RP1: variants seen among roughly 807,000 people sequenced by gnomAD.
The protein encoded by RP1 is RP1 axonemal microtubule associated.
A neutral mutation model predicts 14.8 loss-of-function variants in RP1; 16 were observed. The observed-to-expected ratio is 1.08, with a 90% CI of 0.73 to 1.65. The LOEUF (loss-of-function observed/expected upper bound fraction) is 1.65. Among genes scored for constraint, RP1 ranks in the 40% most tolerant of loss-of-function variants. The probability of loss-of-function intolerance (pLI) is 0.00; values close to 1 mark genes in which losing one functional copy is unlikely to be tolerated. For missense variants in RP1, 2,631 were observed against 2,535.0 expected (o/e 1.04, Z -0.81); for synonymous variants, 876 against 883.6 (o/e 0.99, Z 0.15).
At chr8:54,749,330 CA>C (rs368519775) in intron 19 of RP1, among the ~76,000 whole-genome samples, 9 of 141,484 alleles carry the variant, frequency 6.4e-5, no homozygotes, top group African/African-American at 7.7e-5. Flanking sequence ...GACTCCATCT[CA>C]AAAAAAAAAC....
At chr8:54,797,711 C>T (rs1810607346) in intron 24 of RP1, among the ~76,000 whole-genome samples, 1 of 152,096 alleles carries the variant, frequency 6.6e-6, no homozygotes, top group Admixed American at 6.6e-5. Context: ...ACACCTCTTT[C>T]AGAAGAAAAC....
intron 24 of RP1, among the ~76,000 whole-genome samples, chr8:54,789,516 A>G (rs146179468): frequency 1.2e-3 from 189 of 152,208 alleles, no homozygotes; most frequent in African/African-American, 4.4e-3. Context: ...TTGACCAACT[A>G]TGGGGCAAAC....
intron 7 of RP1, among the ~76,000 whole-genome samples, chr8:54,673,215 A>T (rs1807216696): frequency 6.6e-6 from 1 of 152,198 alleles, no homozygotes; most frequent in Admixed American, 6.5e-5. Flanking sequence ...TGAGGATAAA[A>T]TATGCATATG....
intron 12 of RP1, among the ~76,000 whole-genome samples, chr8:54,689,967 G>A (rs1215850605): frequency 1.3e-5 from 2 of 151,848 alleles, no homozygotes; most frequent in East Asian, 3.9e-4. Context: ...AATCTTCTTT[G>A]CACTTTCAAG....
intron 19 of RP1, among the ~76,000 whole-genome samples, chr8:54,752,705 C>T (rs1809405639): frequency 6.6e-6 from 1 of 152,152 alleles, no homozygotes. Flanking sequence ...GCATACCCCC[C>T]ACACTCTCAC....
At chr8:54,690,333 C>G (rs1011602398) in intron 12 of RP1, among the ~76,000 whole-genome samples, 2 of 152,010 alleles carry the variant, frequency 1.3e-5, no homozygotes, top group African/African-American at 4.8e-5. Flanking sequence ...AATTAAGAAT[C>G]TGAAAAAAGG....
chr8:54,657,481 GC>G (rs1221805383), intron 6 of RP1, among the ~76,000 whole-genome samples: 7 of 152,108 alleles, frequency 4.6e-5, no homozygotes, highest in Admixed American at 4.6e-4. Flanking sequence ...AATTTGATAA[GC>G]CTTTAGTTAT....
chr8:54,731,995 C>T (rs73679606), intron 17 of RP1, among the ~76,000 whole-genome samples: 13 of 152,346 alleles, frequency 8.5e-5, no homozygotes, highest in African/African-American at 3.1e-4. Context: ...GACTGGCTCT[C>T]TGTTGCTTGC....
chr8:54,673,724 AG>A (rs1426297978), intron 7 of RP1: 12 of 757,778 alleles, frequency 1.6e-5, no homozygotes, highest in Non-Finnish European at 2.3e-5. Context: ...TGGGTGACAG[AG>A]GGAGAGCCTG....
intron 24 of RP1, among the ~76,000 whole-genome samples, chr8:54,822,571 T>C (rs925764160): frequency 3.9e-5 from 6 of 152,254 alleles, no homozygotes; most frequent in African/African-American, 1.4e-4. Flanking sequence ...ATTTTGAATA[T>C]ATGAGTATTT....
intron 24 of RP1, among the ~76,000 whole-genome samples, chr8:54,828,534 C>T (rs1811440700): frequency 6.6e-6 from 1 of 152,164 alleles, no homozygotes; most frequent in South Asian, 2.1e-4. Flanking sequence ...CTTCCTGAAA[C>T]CCTCACCAGA....
rs772660274 is a variant in RP1, at chr8:54,625,713, G to T, written c.1831G>T (p.Asp611Tyr). ...TGATAGGTTCAGTCCTATTTCAGCA[G>T]ATGCAACCCATTTTTCAAGTAATAA... ...TNDRFSPISA[D>Y]ATHFSSNNSG... Residue 611 changes from aspartate (D) to tyrosine (Y), a missense_variant, in exon 4 of 4, where the codon GAT becomes TAT. Asp to Tyr is a radical substitution (Grantham distance 160). Coordinates refer to ENST00000220676, the MANE Select transcript of RP1 (RefSeq NM_006269.2). 2 of 1,614,056 alleles carry T rather than the reference G, an allele frequency of 1.2e-6. No individual in the cohort carries two copies. Among genetic ancestry groups the T allele is most frequent in the Non-Finnish European group, 1.7e-6 (2 of 1,179,986 alleles).
chr8:54,602,214 G>A (rs1279461201), intron 1 of RP1, among the ~76,000 whole-genome samples: 1 of 152,138 alleles, frequency 6.6e-6, no homozygotes, highest in Non-Finnish European at 1.5e-5. Context: ...AGGCCCCAGT[G>A]TGTGATGTTC....
chr8:54,748,189 A>T (rs1431021042), intron 19 of RP1, among the ~76,000 whole-genome samples: 1 of 152,212 alleles, frequency 6.6e-6, no homozygotes, highest in Admixed American at 6.5e-5. Flanking sequence ...TTGAAGTTTT[A>T]AAGTATCTCA....
chr8:54,702,598 G>T (rs1355796643), intron 14 of RP1, among the ~76,000 whole-genome samples: 2 of 152,184 alleles, frequency 1.3e-5, no homozygotes, highest in African/African-American at 4.8e-5. Context: ...ATGAATCAGG[G>T]TGGTGGTTGC....
chr8:54,821,083 C>T (rs749588373), intron 24 of RP1, among the ~76,000 whole-genome samples: 6 of 151,750 alleles, frequency 4.0e-5, no homozygotes, highest in Admixed American at 1.3e-4. Context: ...ATGAGGGACA[C>T]GCCAGAAATT....
intron 25 of RP1, among the ~76,000 whole-genome samples, chr8:54,849,215 A>G (rs1812003165): frequency 6.6e-6 from 1 of 152,046 alleles, no homozygotes; most frequent in South Asian, 2.1e-4. Context: ...TCACCTGTGC[A>G]TTCTTATATA....
chr8:54,646,098 T>C (rs2129324259), intron 3 of RP1, among the ~76,000 whole-genome samples: 1 of 152,240 alleles, frequency 6.6e-6, no homozygotes, highest in African/African-American at 2.4e-5. Context: ...TCTATTCACA[T>C]TTTTTCTCCC....
At chr8:54,755,131 G>A (rs1809469448) in intron 20 of RP1, among the ~76,000 whole-genome samples, 1 of 152,102 alleles carries the variant, frequency 6.6e-6, no homozygotes, top group South Asian at 2.1e-4. Context: ...TCTCAAAATT[G>A]TTCTTGTGGC....
Sources: gnomAD v4.1 joint callset for allele counts (sites outside exome capture counted in the v4.1 genomes callset) on GRCh38, gnomAD v4.1.1 for gene constraint, MANE v1.5 for transcripts, NCBI Gene and HGNC (gene_info 2026-07-23, HGNC 2026-07-21) for gene names.